Variants in ARHGAP15 observed in about 807,000 individuals in gnomAD.
ARHGAP15 encodes rho GTPase-activating protein 15.
A neutral mutation model predicts 63.7 loss-of-function variants in ARHGAP15; 51 were observed. The ratio of observed to expected loss-of-function variants is 0.80; its 90% CI spans 0.64 to 1.01. ARHGAP15 has a LOEUF of 1.01. Among genes scored for constraint, ARHGAP15 ranks in the 50% least tolerant of loss-of-function variants. The probability of loss-of-function intolerance (pLI) is 0.00; values close to 1 mark genes in which losing one functional copy is unlikely to be tolerated. For synonymous variants in ARHGAP15, 191 were observed against 193.8 expected (o/e 0.99, Z 0.12); for missense variants, 560 against 564.6 (o/e 0.99, Z 0.08).
chr2:143,145,946 C>A (rs1395352994), intron 1 of ARHGAP15, among the ~76,000 whole-genome samples: 1 of 150,604 alleles, frequency 6.6e-6, no homozygotes, highest in African/African-American at 2.4e-5. Context: ...TCACACCAAA[C>A]ACAAACATTA....
rs533955107 is a variant in ARHGAP15 at position 143,199,353 on chromosome 2, C to G, written c.166-2781C>G. The stretch of plus-strand genomic sequence containing the variant: ...TTCCAAAAAATAGAAGCTTATTTCT[C>G]ACTTATGTAACAGTTAGATGGAAGT... On this transcript the variant is annotated intron_variant, in intron 2 of 13. Coordinates refer to ENST00000295095, the MANE Select transcript of ARHGAP15 (RefSeq NM_018460.4). Among the ~76,000 whole-genome samples, 6 of 152,260 alleles carry G rather than the reference C, an allele frequency of 3.9e-5. No individual in the cohort carries two copies. In the South Asian group the frequency reaches 1.2e-3, roughly 32 times the overall value.
chr2:143,624,782 G>A (rs537032755), intron 12 of ARHGAP15, among the ~76,000 whole-genome samples: 2 of 152,142 alleles, frequency 1.3e-5, no homozygotes, highest in Non-Finnish European at 2.9e-5. Context: ...TATGAGCAGC[G>A]TGATTATCAA....
chr2:143,590,888 G>C (rs747595508), intron 11 of ARHGAP15, among the ~76,000 whole-genome samples: 27 of 152,284 alleles, frequency 1.8e-4, no homozygotes, highest in Non-Finnish European at 3.5e-4. Context: ...ATCAAGTGGT[G>C]AGTATTCTTG....
intron 8 of ARHGAP15, among the ~76,000 whole-genome samples, chr2:143,471,789 A>G (rs1004814204): frequency 1.3e-5 from 2 of 152,170 alleles, no homozygotes; most frequent in African/African-American, 2.4e-5. Context: ...AGTGTAACCA[A>G]TCACCTCCAT....
intron 6 of ARHGAP15, among the ~76,000 whole-genome samples, chr2:143,369,806 T>C (rs1330546620): frequency 6.6e-6 from 1 of 152,104 alleles, no homozygotes; most frequent in Non-Finnish European, 1.5e-5. Context: ...GTATTCTTTT[T>C]CTTCTTCTTC....
intron 6 of ARHGAP15, among the ~76,000 whole-genome samples, chr2:143,390,968 G>C (rs567750323): frequency 1.3e-5 from 2 of 152,120 alleles, no homozygotes; most frequent in Non-Finnish European, 2.9e-5. Flanking sequence ...TTTTTACCTA[G>C]GGTTTTACTC....
chr2:143,129,991 G>A (rs1173896491), intron 1 of ARHGAP15, among the ~76,000 whole-genome samples: 5 of 152,052 alleles, frequency 3.3e-5, no homozygotes, highest in African/African-American at 9.7e-5. Flanking sequence ...CTTTTAAAAT[G>A]TAAAGGAATA....
intron 12 of ARHGAP15, among the ~76,000 whole-genome samples, chr2:143,655,080 T>C (rs1231565970): frequency 6.6e-6 from 1 of 152,118 alleles, no homozygotes; most frequent in African/African-American, 2.4e-5. Flanking sequence ...AATGTTAAAA[T>C]ACGAATTCTG....
chr2:143,211,469 A>G lies in ARHGAP15; in HGVS notation c.235-4915A>G, dbSNP rs542908772. ...GAAATCATTGAAACAGACAAGATTA[A>G]CAGCAAAGTACTATGATCTATTAAA... On this transcript the variant is annotated intron_variant, in intron 3 of 13. Transcript: ENST00000295095. Among the ~76,000 whole-genome samples the G allele has an allele frequency of 7.8e-4, 119 of 152,254 alleles. 1 individual carries two copies. Among genetic ancestry groups the G allele is most frequent in the Non-Finnish European group, 1.1e-3 (72 of 68,008 alleles).
At chr2:143,279,041 C>G (rs949607467) in intron 6 of ARHGAP15, among the ~76,000 whole-genome samples, 2 of 152,066 alleles carry the variant, frequency 1.3e-5, no homozygotes, top group African/African-American at 4.8e-5. Flanking sequence ...TAATTTCTAC[C>G]ACTGCTAAAT....
intron 9 of ARHGAP15, among the ~76,000 whole-genome samples, chr2:143,502,130 T>C (rs1693091108): frequency 6.6e-6 from 1 of 152,084 alleles, no homozygotes; most frequent in Non-Finnish European, 1.5e-5. Context: ...TGGGTTTGGC[T>C]GGGTGCAGTG....
At chr2:143,517,768 G>A (rs560597619) in intron 9 of ARHGAP15, among the ~76,000 whole-genome samples, 1 of 152,152 alleles carries the variant, frequency 6.6e-6, no homozygotes, top group African/African-American at 2.4e-5. Flanking sequence ...TGGTAGGAAA[G>A]GCTGCAATAA....
At chr2:143,174,226 G>A (rs1299512782) in intron 2 of ARHGAP15, among the ~76,000 whole-genome samples, 1 of 152,028 alleles carries the variant, frequency 6.6e-6, no homozygotes, top group African/African-American at 2.4e-5. Flanking sequence ...AGCTGTAACT[G>A]AAACGTTATC....
At chr2:143,259,976 T>G (rs760511166) in intron 6 of ARHGAP15, among the ~76,000 whole-genome samples, 2 of 152,172 alleles carry the variant, frequency 1.3e-5, no homozygotes, top group Non-Finnish European at 2.9e-5. Context: ...CTTTAATCCC[T>G]CATTTGGATC....
At chr2:143,362,356 C>T (rs1238840550) in intron 6 of ARHGAP15, among the ~76,000 whole-genome samples, 1 of 152,174 alleles carries the variant, frequency 6.6e-6, no homozygotes, top group Non-Finnish European at 1.5e-5. Flanking sequence ...GTGCTCTGTC[C>T]TAAAATACCT....
rs1436404469 is a variant in ARHGAP15, at chr2:143,562,075, T to A, written c.1003+5590T>A. Among the ~76,000 whole-genome samples, 3 of 152,228 alleles carry A rather than the reference T, an allele frequency of 2.0e-5. No homozygotes were observed. In the East Asian group the frequency reaches 5.8e-4, roughly 29 times the overall value. On this transcript the variant is annotated intron_variant, in intron 11 of 13. Transcript: ENST00000295095. ...TTAGATATTGGCTTAAAGAGATGGA[T>A]GTGCTTAGTTTAAACATGCTAAGAA...
At chr2:143,260,078 C>T (rs554144985) in intron 6 of ARHGAP15, among the ~76,000 whole-genome samples, 2 of 152,132 alleles carry the variant, frequency 1.3e-5, no homozygotes, top group East Asian at 3.9e-4. Flanking sequence ...TACAGAGGTT[C>T]ATAAATTTCT....
chr2:143,583,718 C>T (rs1053753257), intron 11 of ARHGAP15, among the ~76,000 whole-genome samples: 1 of 152,130 alleles, frequency 6.6e-6, no homozygotes, highest in East Asian at 1.9e-4. Context: ...GTCTGGAAGA[C>T]CTCTTGTGAA....
At chr2:143,343,729 ACAAGATTG>A (rs1209039587) in intron 6 of ARHGAP15, among the ~76,000 whole-genome samples, 1 of 152,114 alleles carries the variant, frequency 6.6e-6, no homozygotes, top group Non-Finnish European at 1.5e-5. Flanking sequence ...AGTGAGGAAG[ACAAGATTG>A]CACCCAATTT....
Sources: gnomAD v4.1 joint callset for allele counts (sites outside exome capture counted in the v4.1 genomes callset) on GRCh38, gnomAD v4.1.1 for gene constraint, MANE v1.5 for transcripts, NCBI Gene and HGNC (gene_info 2026-07-23, HGNC 2026-07-21) for gene names.